Variants in ATG10 observed in about 807,000 individuals in gnomAD.
ATG10 encodes the protein autophagy related 10.
Under a neutral mutation model 32.1 loss-of-function variants are expected in ATG10, and 30 were observed. The ratio of observed to expected loss-of-function variants is 0.94; its 90% confidence interval spans 0.70 to 1.27. ATG10 has a LOEUF of 1.27. Among genes scored for constraint, ATG10 ranks in the 50% most tolerant of loss-of-function variants. The pLI, the probability that ATG10 is intolerant of heterozygous loss-of-function variation, is 0.00. For missense variants in ATG10, 233 were observed against 262.3 expected, an observed-to-expected ratio of 0.89 and a Z score of 0.77; for synonymous variants, 87 against 91.5, an observed-to-expected ratio of 0.95 and a Z score of 0.28.
intron 2 of ATG10, among the ~76,000 whole-genome samples, chr5:81,993,412 T>C (rs554324697): frequency 7.2e-6 from 1 of 138,644 alleles, no homozygotes; most frequent in African/African-American, 2.7e-5. Context: ...TCTTTTCTTT[T>C]CTTTTCTTTT....
intron 2 of ATG10, among the ~76,000 whole-genome samples, chr5:81,995,654 A>T (rs1480837283): frequency 6.6e-6 from 1 of 152,142 alleles, no homozygotes; most frequent in African/African-American, 2.4e-5. Context: ...TAAAGTATTC[A>T]CATAATTATA....
At chr5:82,103,386 GC>G (rs1340328016) in intron 3 of ATG10, among the ~76,000 whole-genome samples, 2 of 152,084 alleles carry the variant, frequency 1.3e-5, no homozygotes, top group African/African-American at 4.8e-5. Context: ...AAAAGTCCTA[GC>G]CCTTTATTCC....
chr5:82,114,175 G>T (rs1765704472), intron 3 of ATG10, among the ~76,000 whole-genome samples: 1 of 151,892 alleles, frequency 6.6e-6, no homozygotes, highest in Admixed American at 6.6e-5. Flanking sequence ...TTGGACTGTG[G>T]TTCTTATTTA....
chr5:82,139,254 G>T (rs185107068), intron 3 of ATG10, among the ~76,000 whole-genome samples: 74 of 138,458 alleles, frequency 5.3e-4, no homozygotes, highest in African/African-American at 1.2e-3. Flanking sequence ...AGCCTCTGCC[G>T]GGCCACCACC....
chr5:82,127,486 T>C (rs1362389203), intron 3 of ATG10, among the ~76,000 whole-genome samples: 2 of 152,166 alleles, frequency 1.3e-5, no homozygotes, highest in Admixed American at 6.6e-5. Flanking sequence ...CATTGTATCT[T>C]TGTTCTCATT....
intron 2 of ATG10, among the ~76,000 whole-genome samples, chr5:82,018,150 C>T (rs6883746): frequency 0.065 from 9,897 of 152,214 alleles, 1,071 homozygotes; most frequent in African/African-American, 0.23. Flanking sequence ...CTCCTAGTCT[C>T]CCCGCTCCCA....
intron 3 of ATG10, among the ~76,000 whole-genome samples, chr5:82,108,680 T>C (rs1765513372): frequency 6.6e-6 from 1 of 152,088 alleles, no homozygotes; most frequent in African/African-American, 2.4e-5. Flanking sequence ...TTTTGCATTA[T>C]ATGATGTCAG....
chr5:82,002,674 G>A lies in ATG10; in HGVS notation c.108+14996G>A, dbSNP rs578233045. On this transcript the variant is annotated intron_variant, in intron 2 of 7. Coordinates refer to ENST00000282185, the MANE Select transcript of ATG10 (RefSeq NM_031482.5). The stretch of plus-strand genomic sequence containing the variant: ...GAGGGAGAGAGGAGGGTGAGGATCC[G>A]GAAACCACTCATTGGGTACTGTGCT... Among the ~76,000 whole-genome samples the A allele has an allele frequency of 1.2e-3, 180 of 152,174 alleles. 2 individuals are homozygous for A. Among genetic ancestry groups the A allele is most frequent in the Admixed American group, 2.3e-3 (35 of 15,294 alleles).
At chr5:82,237,411 A>G (rs1746606979) in intron 5 of ATG10, among the ~76,000 whole-genome samples, 1 of 152,156 alleles carries the variant, frequency 6.6e-6, no homozygotes, top group Non-Finnish European at 1.5e-5. Flanking sequence ...TGGGAGGCCA[A>G]GGCAGGCGGA....
At chr5:82,253,262 C>A in intron 6 of ATG10, 52 bp from the exon 7 acceptor site, 1 of 1,289,296 alleles carries the variant, frequency 7.8e-7, no homozygotes, top group Non-Finnish European at 1.1e-6. Context: ...ACCATTCATC[C>A]AAAAACTACA....
chr5:82,156,726 T>G (rs1235376471), intron 3 of ATG10, among the ~76,000 whole-genome samples: 1 of 152,240 alleles, frequency 6.6e-6, no homozygotes, highest in Non-Finnish European at 1.5e-5. Context: ...AATTTTCCCC[T>G]CTTCCTCTAG....
chr5:82,007,832 C>CAT (rs1312990504), intron 2 of ATG10, among the ~76,000 whole-genome samples: 1 of 151,980 alleles, frequency 6.6e-6, no homozygotes, highest in Non-Finnish European at 1.5e-5. Context: ...TATGCACACA[C>CAT]ATATATATAT....
intron 3 of ATG10, among the ~76,000 whole-genome samples, chr5:82,108,039 G>A (rs1353400874): frequency 6.6e-6 from 1 of 152,018 alleles, no homozygotes; most frequent in East Asian, 1.9e-4. Flanking sequence ...GGTGAGGTCA[G>A]AATGCTAAGG....
intron 5 of ATG10, among the ~76,000 whole-genome samples, chr5:82,209,284 T>C (rs1024157266): frequency 6.6e-6 from 1 of 152,198 alleles, no homozygotes; most frequent in African/African-American, 2.4e-5. Flanking sequence ...TATATATTGC[T>C]GTAGACTGAA....
intron 5 of ATG10, among the ~76,000 whole-genome samples, chr5:82,197,873 G>C (rs1456829586): frequency 6.6e-6 from 1 of 152,074 alleles, no homozygotes; most frequent in Non-Finnish European, 1.5e-5. Flanking sequence ...TCAGTACCCT[G>C]AGAACTCTTT....
Position 82,253,358 on chromosome 5 carries a change from T to C in ATG10, c.596T>C (p.Val199Ala), listed in dbSNP as rs776418230. 1 of 1,613,542 alleles carries C rather than the reference T, an allele frequency of 6.2e-7. No homozygotes were observed. The highest frequency in any genetic ancestry group is 8.5e-7 in the Non-Finnish European group (1 of 1,179,456). ...TCATGGCTGAGCATTGTAGGGCCAG[T>C]TGTTGGGCTGAATCTACCTCTGAGT... ...ITSWLSIVGP[V>A]VGLNLPLSYA... is the part of the protein sequence containing the mutation. Residue 199 changes from valine (V) to alanine (A), a missense_variant, in exon 7 of 8, where the codon GTT becomes GCT. By Grantham distance (64) the Val-to-Ala change is moderately conservative. Transcript: ENST00000282185.
At chr5:81,998,986 A>C (rs13153317) in intron 2 of ATG10, among the ~76,000 whole-genome samples, 14,668 of 152,078 alleles carry the variant, frequency 0.096, 1,064 homozygotes, top group East Asian at 0.38. Flanking sequence ...GAGGCAGAAA[A>C]CTACCAAATA....
intron 2 of ATG10, among the ~76,000 whole-genome samples, chr5:82,033,737 C>CAA (rs1762809535): frequency 6.7e-6 from 1 of 148,156 alleles, no homozygotes; most frequent in Admixed American, 7.1e-5. Flanking sequence ...CAAACACACA[C>CAA]ACACACACAC....
At chr5:82,067,695 G>T (rs1477167829) in intron 3 of ATG10, among the ~76,000 whole-genome samples, 1 of 151,968 alleles carries the variant, frequency 6.6e-6, no homozygotes, top group African/African-American at 2.4e-5. Context: ...TATTCTCCTT[G>T]GCAAAGCAAA....
Sources: allele counts gnomAD v4.1 joint callset (sites outside exome capture counted in the v4.1 genomes callset), GRCh38; gene constraint gnomAD v4.1.1; transcripts MANE v1.5; gene names NCBI Gene and HGNC (gene_info 2026-07-23, HGNC 2026-07-21).